The following IMMP2L variants were observed in gnomAD, a reference collection of about 807,000 sequenced individuals.
IMMP2L encodes the protein inner mitochondrial membrane peptidase subunit 2.
Under a neutral mutation model 19.3 loss-of-function variants are expected in IMMP2L, and 18 were observed. The ratio of observed to expected loss-of-function variants is 0.93; its 90% confidence interval spans 0.64 to 1.38. The LOEUF is 1.38. Ranked by LOEUF, IMMP2L falls within the 40% of genes most tolerant of loss-of-function variation. The pLI is 0.00. For synonymous variants in IMMP2L, 76 were observed against 73.0 expected, an observed-to-expected ratio of 1.04 and a Z score of -0.21; for missense variants, 233 against 218.2, an observed-to-expected ratio of 1.07 and a Z score of -0.43.
rs553198553 is a variant in IMMP2L at position 111,304,084 on chromosome 7, G to C, written c.239+183154C>G. Among the ~76,000 whole-genome samples the C allele has an allele frequency of 5.3e-5, 8 of 152,172 alleles. No individual in the cohort carries two copies. In the South Asian group the frequency reaches 1.7e-3, roughly 32 times the overall value. Reference sequence around the variant, plus strand: ...ATTTCATACACTAAAATGAATTGAAGAAACTAATTATTCATAACGAATATT... The same window carrying C: ...ATTTCATACACTAAAATGAATTGAACAAACTAATTATTCATAACGAATATT... On this transcript the variant is annotated intron_variant, in intron 3 of 5. Coordinates refer to ENST00000405709, the MANE Select transcript of IMMP2L (RefSeq NM_032549.4).
chr7:111,152,482 A>G (rs919071869), intron 3 of IMMP2L, among the ~76,000 whole-genome samples: 1 of 152,148 alleles, frequency 6.6e-6, no homozygotes, highest in Non-Finnish European at 1.5e-5. Context: ...CACACTAGCA[A>G]CTTCTTAGTA....
chr7:111,522,096 A>G (rs563073949), intron 1 of IMMP2L, among the ~76,000 whole-genome samples: 7 of 152,222 alleles, frequency 4.6e-5, no homozygotes, highest in South Asian at 2.1e-4. Flanking sequence ...TAGGTCCGCA[A>G]CACCATGGAG....
chr7:111,413,944 C>T (rs766455579), intron 3 of IMMP2L, among the ~76,000 whole-genome samples: 3 of 151,714 alleles, frequency 2.0e-5, no homozygotes, highest in Non-Finnish European at 4.4e-5. Context: ...GTGATACTCA[C>T]ATCCCAGCAA....
chr7:111,085,392 A>C (rs374393901), intron 3 of IMMP2L, among the ~76,000 whole-genome samples: 8 of 152,194 alleles, frequency 5.3e-5, no homozygotes, highest in East Asian at 1.9e-4. Flanking sequence ...TTTTCTCCAC[A>C]ACCTCGTCAG....
At chr7:110,956,784 A>C (rs1818397724) in intron 4 of IMMP2L, among the ~76,000 whole-genome samples, 1 of 151,920 alleles carries the variant, frequency 6.6e-6, no homozygotes, top group Admixed American at 6.6e-5. Context: ...ATGATGCTGG[A>C]CTTCATTTCT....
intron 3 of IMMP2L, among the ~76,000 whole-genome samples, chr7:111,173,967 T>C (rs1051655053): frequency 2.0e-5 from 3 of 151,740 alleles, no homozygotes; most frequent in African/African-American, 7.2e-5. Context: ...GAGTTTCTCT[T>C]TCAAAGGATT....
At chr7:111,353,074 G>A (rs563992314) in intron 3 of IMMP2L, among the ~76,000 whole-genome samples, 1 of 152,082 alleles carries the variant, frequency 6.6e-6, no homozygotes, top group Non-Finnish European at 1.5e-5. Context: ...ATTCAATATG[G>A]GACACACCCA....
intron 5 of IMMP2L, among the ~76,000 whole-genome samples, chr7:110,824,147 G>A (rs907081785): frequency 2.6e-5 from 4 of 151,976 alleles, no homozygotes; most frequent in African/African-American, 9.7e-5. Context: ...ATAATTATGG[G>A]TATTATCACC....
At chr7:110,798,979 T>G (rs1016937022) in intron 5 of IMMP2L, among the ~76,000 whole-genome samples, 3 of 152,012 alleles carry the variant, frequency 2.0e-5, no homozygotes, top group Admixed American at 1.3e-4. Flanking sequence ...TGATAAAAAC[T>G]AAAACAATGG....
chr7:111,456,621 C>T (rs1839696674), intron 3 of IMMP2L, among the ~76,000 whole-genome samples: 1 of 152,128 alleles, frequency 6.6e-6, no homozygotes, highest in Non-Finnish European at 1.5e-5. Flanking sequence ...AATATTACTT[C>T]TTAGTTTTTA....
intron 3 of IMMP2L, among the ~76,000 whole-genome samples, chr7:111,390,030 T>C (rs1832183795): frequency 1.3e-5 from 2 of 152,114 alleles, no homozygotes; most frequent in Admixed American, 6.5e-5. Flanking sequence ...TCCCTGATAG[T>C]CACAAAATAA....
chr7:110,914,385 A>C (rs1448547662), intron 4 of IMMP2L, among the ~76,000 whole-genome samples: 1 of 152,174 alleles, frequency 6.6e-6, no homozygotes, highest in African/African-American at 2.4e-5. Context: ...ACATCTATGA[A>C]GCTGACTACC....
At chr7:110,963,894 GCT>G (rs1406610517) in intron 3 of IMMP2L, among the ~76,000 whole-genome samples, 3 of 151,918 alleles carry the variant, frequency 2.0e-5, no homozygotes, top group Admixed American at 2.0e-4. Context: ...ATATGGTTTG[GCT>G]CTGTGTCCCC....
chr7:111,404,069 T>G (rs1833704722), intron 3 of IMMP2L, among the ~76,000 whole-genome samples: 1 of 152,104 alleles, frequency 6.6e-6, no homozygotes, highest in African/African-American at 2.4e-5. Flanking sequence ...TGCATCACAT[T>G]TAACACAGCC....
rs141929263 is a variant in IMMP2L, at chr7:111,068,511, G to A, written c.240-104946C>T. 4.8e-3 allele frequency among the ~76,000 whole-genome samples: 732 copies of A among 152,088 alleles called. 2 individuals carry two copies. Among genetic ancestry groups the A allele is most frequent in the South Asian group, 0.018 (86 of 4,800 alleles). On this transcript the variant is annotated intron_variant, in intron 3 of 5. Coordinates refer to ENST00000405709, the MANE Select transcript of IMMP2L (RefSeq NM_032549.4). ...ACAGTACTGCTTTACAGTTCTGTGG[G>A]GGAAGTGAGAAAAAGCTCAAGATGT...
chr7:111,422,796 G>A (rs13306965), intron 3 of IMMP2L, among the ~76,000 whole-genome samples: 8 of 151,804 alleles, frequency 5.3e-5, no homozygotes, highest in Admixed American at 2.0e-4. Flanking sequence ...GTCTTGTGTC[G>A]GTTTTCAAAG....
intron 3 of IMMP2L, among the ~76,000 whole-genome samples, chr7:111,147,136 G>T (rs1333944146): frequency 4.6e-5 from 7 of 152,014 alleles, no homozygotes; most frequent in Non-Finnish European, 2.9e-5. Flanking sequence ...TTATTTGGAA[G>T]AATTTATAAT....
chr7:111,531,958 AT>A (rs2132813007), intron 1 of IMMP2L, among the ~76,000 whole-genome samples: 1 of 152,240 alleles, frequency 6.6e-6, no homozygotes, highest in East Asian at 1.9e-4. Context: ...TGTGTTCAAA[AT>A]TGGCTTTAAA....
At position 111,540,844 on chromosome 7, in the gene IMMP2L, G is replaced by A. The variant is rs549666514; in HGVS notation, c.-2-19395C>T. Among the ~76,000 whole-genome samples the A allele has an allele frequency of 2.6e-5, 4 of 152,258 alleles. No individual in the cohort carries two copies. The South Asian group carries it at 8.3e-4, about 32-fold the overall frequency. ...AATGTTGATAGTTTCATATGGTTGT[G>A]TCAGACGACATTCCACTCCTTTAAA... On this transcript the variant is annotated intron_variant, in intron 1 of 5. Transcript: ENST00000405709.
Sources: allele counts gnomAD v4.1 joint callset (sites outside exome capture counted in the v4.1 genomes callset), GRCh38; gene constraint gnomAD v4.1.1; transcripts MANE v1.5; gene names NCBI Gene and HGNC (gene_info 2026-07-23, HGNC 2026-07-21).